RAB38: variants seen among roughly 807,000 people sequenced by gnomAD.
RAB38 encodes ras-related protein Rab-38.
RAB38 carries 15 observed loss-of-function variants against 18.4 expected under a neutral mutation model. The ratio of observed to expected loss-of-function variants is 0.82; its 90% CI spans 0.55 to 1.26. The LOEUF (loss-of-function observed/expected upper bound fraction) is 1.26. Among genes scored for constraint, RAB38 ranks in the 50% most tolerant of loss-of-function variants. The pLI is 0.00. For missense variants in RAB38, 294 were observed against 267.4 expected (o/e 1.10, Z -0.69); for synonymous variants, 101 against 104.4 (o/e 0.97, Z 0.20).
the RAB38 span, among the ~76,000 whole-genome samples, chr11:88,042,487 T>C: frequency 6.6e-6 from 1 of 152,226 alleles, no homozygotes; most frequent in Non-Finnish European, 1.5e-5. Context: ...TCAGTCATGC[T>C]AGAAGATGGC....
the RAB38 span, among the ~76,000 whole-genome samples, chr11:88,057,840 T>G: frequency 2.0e-5 from 3 of 152,246 alleles, no homozygotes; most frequent in Middle Eastern, 3.4e-3. Flanking sequence ...TTCTTCTTCA[T>G]CTCTACCCCC....
chr11:87,921,893 T>C, the RAB38 span, among the ~76,000 whole-genome samples: 1 of 151,948 alleles, frequency 6.6e-6, no homozygotes, highest in African/African-American at 2.4e-5. Flanking sequence ...GATCTAGTCT[T>C]CTAAGCAATG....
At chr11:87,830,556 A>T in the RAB38 span, among the ~76,000 whole-genome samples, 1 of 152,082 alleles carries the variant, frequency 6.6e-6, no homozygotes, top group African/African-American at 2.4e-5. Context: ...AGCATTTTTA[A>T]AGCCTTACAT....
downstream of RAB38, among the ~76,000 whole-genome samples, chr11:88,112,904 C>G (rs1358206854): frequency 6.6e-6 from 1 of 152,014 alleles, no homozygotes. Flanking sequence ...GCACCACAAC[C>G]ACTGTGTAAA....
At chr11:87,946,575 G>A in the RAB38 span, among the ~76,000 whole-genome samples, 1 of 149,836 alleles carries the variant, frequency 6.7e-6, no homozygotes, top group Non-Finnish European at 1.5e-5. Flanking sequence ...GGTGTGTGAT[G>A]TTCCCCTTCC....
At chr11:87,899,796 G>T in the RAB38 span, among the ~76,000 whole-genome samples, 2 of 151,590 alleles carry the variant, frequency 1.3e-5, no homozygotes, top group African/African-American at 4.8e-5. Flanking sequence ...AGATACAACT[G>T]CCAGAAGTCA....
chr11:88,136,258 G>A (rs1942833059), intron 2 of RAB38, among the ~76,000 whole-genome samples: 1 of 152,092 alleles, frequency 6.6e-6, no homozygotes, highest in East Asian at 1.9e-4. Flanking sequence ...CCCAGTCTCA[G>A]CAGGCTTTCT....
At chr11:87,909,704 G>C in the RAB38 span, among the ~76,000 whole-genome samples, 1 of 151,744 alleles carries the variant, frequency 6.6e-6, no homozygotes, top group East Asian at 1.9e-4. Flanking sequence ...TTATTCTTCT[G>C]GTTTCTTTTA....
At chr11:88,025,160 T>C in the RAB38 span, among the ~76,000 whole-genome samples, 1 of 151,552 alleles carries the variant, frequency 6.6e-6, no homozygotes, top group Admixed American at 6.6e-5. Flanking sequence ...GGTGGCTGTG[T>C]AGTATTCCAT....
At chr11:87,904,178 G>A in the RAB38 span, among the ~76,000 whole-genome samples, 6 of 151,644 alleles carry the variant, frequency 4.0e-5, no homozygotes, top group South Asian at 4.2e-4. Flanking sequence ...GATGTTTGGG[G>A]TATAATTGGT....
At chr11:87,854,855 T>C in the RAB38 span, among the ~76,000 whole-genome samples, 1 of 152,072 alleles carries the variant, frequency 6.6e-6, no homozygotes, top group Non-Finnish European at 1.5e-5. Context: ...AGTGCAGTGG[T>C]GTGATCTTGG....
In RAB38 at chr11:88,114,209, T is replaced by C. The variant is rs369229753; in HGVS notation, c.484-69A>G. The C allele has an allele frequency of 1.2e-4, 177 of 1,506,484 alleles. 2 individuals carry two copies. In the South Asian group the frequency reaches 1.9e-3, roughly 16 times the overall value. 93.3% of individuals were successfully genotyped at this position (1,506,484 alleles called of 1,614,324 possible). ...GAAATAATGCTAGAGCAGAGACTTATATGTGACAATTCATTTAAATATTCC... is the reference window on the plus strand; with the variant it reads ...GAAATAATGCTAGAGCAGAGACTTACATGTGACAATTCATTTAAATATTCC... On this transcript the variant is annotated intron_variant, in intron 2 of 2. Coordinates refer to ENST00000243662, the MANE Select transcript of RAB38 (RefSeq NM_022337.3).
At chr11:87,924,416 A>C in the RAB38 span, among the ~76,000 whole-genome samples, 1 of 152,044 alleles carries the variant, frequency 6.6e-6, no homozygotes, top group Admixed American at 6.6e-5. Context: ...AGCTGATGCA[A>C]CATGAGGAAG....
At chr11:88,063,832 C>A in the RAB38 span, among the ~76,000 whole-genome samples, 2 of 152,172 alleles carry the variant, frequency 1.3e-5, no homozygotes, top group Non-Finnish European at 2.9e-5. Context: ...GCCTCCCCAG[C>A]CACGTGGAAC....
At chr11:88,009,109 C>T in the RAB38 span, among the ~76,000 whole-genome samples, 5 of 152,126 alleles carry the variant, frequency 3.3e-5, no homozygotes, top group Non-Finnish European at 7.4e-5. Context: ...TATGTACAAC[C>T]TTCCAGAGAG....
intron 2 of RAB38, among the ~76,000 whole-genome samples, chr11:88,145,297 C>T (rs894637868): frequency 6.6e-6 from 1 of 151,824 alleles, no homozygotes; most frequent in Non-Finnish European, 1.5e-5. Flanking sequence ...TTAACAGGTG[C>T]CTGCTGCCAG....
chr11:87,908,080 C>T, the RAB38 span, among the ~76,000 whole-genome samples: 12 of 151,794 alleles, frequency 7.9e-5, no homozygotes, highest in African/African-American at 2.7e-4. Flanking sequence ...TGATTAGTCT[C>T]GGTCATAAGA....
chr11:88,097,592 G>A, the RAB38 span, among the ~76,000 whole-genome samples: 2 of 151,900 alleles, frequency 1.3e-5, no homozygotes, highest in Admixed American at 1.3e-4. Flanking sequence ...CAAAGGAGCT[G>A]TAGTAGGGAC....
the RAB38 span, among the ~76,000 whole-genome samples, chr11:87,889,283 G>A: frequency 6.6e-6 from 1 of 151,850 alleles, no homozygotes; most frequent in African/African-American, 2.4e-5. Context: ...GTTTGCTGGG[G>A]CCAAACAAGA....
Sources: gnomAD v4.1 joint callset for allele counts (sites outside exome capture counted in the v4.1 genomes callset) on GRCh38, gnomAD v4.1.1 for gene constraint, MANE v1.5 for transcripts, NCBI Gene and HGNC (gene_info 2026-07-23, HGNC 2026-07-21) for gene names.